GLIS3: variants seen among roughly 807,000 people sequenced by gnomAD.
GLIS3 encodes the protein GLIS family zinc finger 3, also known as zinc finger protein GLIS3.
In GLIS3, 53 loss-of-function variants were observed where a neutral mutation model predicts 78.6. The ratio of observed to expected loss-of-function variants is 0.67; its 90% CI spans 0.54 to 0.85. GLIS3 has a LOEUF of 0.85. Ranked by LOEUF, GLIS3 falls within the 40% of genes least tolerant of loss-of-function variation. The probability of loss-of-function intolerance (pLI) is 0.00; values close to 1 mark genes in which losing one functional copy is unlikely to be tolerated. For missense variants in GLIS3, 1,703 were observed against 1,231.1 expected, an observed-to-expected ratio of 1.38 and a Z score of -5.74; for synonymous variants, 684 against 509.9, an observed-to-expected ratio of 1.34 and a Z score of -4.60.
chr9:4,124,212 G>A (rs1036040193), intron 3 of GLIS3, among the ~76,000 whole-genome samples: 1 of 152,050 alleles, frequency 6.6e-6, no homozygotes, highest in African/African-American at 2.4e-5. Context: ...TTCCATAGAA[G>A]GACTCAAATA....
chr9:3,939,788 G>A (rs1826098924), intron 4 of GLIS3, among the ~76,000 whole-genome samples: 2 of 152,294 alleles, frequency 1.3e-5, no homozygotes, highest in Non-Finnish European at 2.9e-5. Flanking sequence ...GCAGTTTCAT[G>A]TAGTCAGGGG....
At chr9:4,403,141 T>A in the GLIS3 span, among the ~76,000 whole-genome samples, 1 of 152,146 alleles carries the variant, frequency 6.6e-6, no homozygotes, top group Non-Finnish European at 1.5e-5. Flanking sequence ...GTGGAAACCT[T>A]ATAGGCTAGG....
chr9:4,459,148 A>C, the GLIS3 span, among the ~76,000 whole-genome samples: 7 of 152,208 alleles, frequency 4.6e-5, no homozygotes, highest in Non-Finnish European at 8.8e-5. Context: ...ACTATTTAGG[A>C]GACCATTGAA....
At chr9:4,424,811 C>G in the GLIS3 span, among the ~76,000 whole-genome samples, 1 of 150,988 alleles carries the variant, frequency 6.6e-6, no homozygotes, top group South Asian at 2.1e-4. Context: ...CTCAAGTGAT[C>G]TTCCTTTCAA....
intron 4 of GLIS3, among the ~76,000 whole-genome samples, chr9:3,956,002 C>A (rs1817076058): frequency 7.3e-6 from 1 of 137,700 alleles, no homozygotes; most frequent in African/African-American, 2.8e-5. Flanking sequence ...GTATTTCCTA[C>A]CACAATTGAC....
chr9:4,338,541 G>T (rs113394102), intron 2 of GLIS3, among the ~76,000 whole-genome samples: 6 of 152,136 alleles, frequency 3.9e-5, no homozygotes, highest in African/African-American at 1.4e-4. Context: ...GACTGTATAG[G>T]GCCCCAAACT....
At chr9:4,324,807 G>C (rs925962807) in intron 2 of GLIS3, among the ~76,000 whole-genome samples, 2 of 152,100 alleles carry the variant, frequency 1.3e-5, no homozygotes, top group Non-Finnish European at 2.9e-5. Context: ...TGAGTGACTT[G>C]TTTCAAGTTT....
intron 4 of GLIS3, among the ~76,000 whole-genome samples, chr9:4,064,025 A>G (rs1324736342): frequency 6.6e-6 from 1 of 152,214 alleles, no homozygotes; most frequent in Non-Finnish European, 1.5e-5. Flanking sequence ...TTCAACTCTG[A>G]AATGTAGAAG....
intron 3 of GLIS3, among the ~76,000 whole-genome samples, chr9:4,122,356 TA>T (rs1832255842): frequency 6.6e-6 from 1 of 152,174 alleles, no homozygotes; most frequent in South Asian, 2.1e-4. Flanking sequence ...GCAAATCCCC[TA>T]AAAGAATTAG....
the GLIS3 span, among the ~76,000 whole-genome samples, chr9:4,439,148 C>A: frequency 6.6e-6 from 1 of 152,204 alleles, no homozygotes; most frequent in African/African-American, 2.4e-5. Flanking sequence ...TTCTTCAGTA[C>A]TACCTTCCAA....
At chr9:3,953,548 TAATA>T (rs1261628991) in intron 4 of GLIS3, among the ~76,000 whole-genome samples, 1 of 152,194 alleles carries the variant, frequency 6.6e-6, no homozygotes, top group African/African-American at 2.4e-5. Context: ...AATGACACAG[TAATA>T]TAGATGTTTT....
intron 8 of GLIS3, among the ~76,000 whole-genome samples, chr9:3,865,283 A>G (rs16919809): frequency 0.21 from 31,447 of 152,192 alleles, 3,541 homozygotes; most frequent in East Asian, 0.49. Context: ...CTTCACGTGC[A>G]GAAAGATAAT....
chr9:3,913,651 G>A (rs1824296898), intron 6 of GLIS3, among the ~76,000 whole-genome samples: 1 of 152,166 alleles, frequency 6.6e-6, no homozygotes, highest in Non-Finnish European at 1.5e-5. Flanking sequence ...CTTGTCCCTT[G>A]AAGTTTTCCC....
At chr9:4,189,069 GTTCTT>G (rs1818078717) in intron 2 of GLIS3, among the ~76,000 whole-genome samples, 1 of 151,586 alleles carries the variant, frequency 6.6e-6, no homozygotes, top group Admixed American at 6.6e-5. Context: ...TGCTTTTCTA[GTTCTT>G]TTAATTGTGA....
rs187299950 is a variant in GLIS3, at chr9:4,341,182, C to G, written n.264+5899G>C. On this transcript the variant is annotated intron_variant and non_coding_transcript_variant, in intron 2 of 4. Coordinates refer to the GLIS3 transcript ENST00000471664. ...ATCTGATCCACAGGCTTGTGCAATA[C>G]TCTCTAGGACAAAACAAGACTGCTC... 6.7e-4 allele frequency among the ~76,000 whole-genome samples: 102 copies of G among 152,318 alleles called. 2 individuals are homozygous for G. Among genetic ancestry groups the G allele is most frequent in the Admixed American group, 4.4e-3 (67 of 15,300 alleles).
At chr9:4,142,181 A>G (rs560980008) in intron 2 of GLIS3, among the ~76,000 whole-genome samples, 286 of 152,254 alleles carry the variant, frequency 1.9e-3, no homozygotes, top group Non-Finnish European at 2.6e-3. Flanking sequence ...ATCTAAATTA[A>G]GAGTTGTGCT....
At chr9:4,305,177 C>G (rs1243500117) in intron 4 of GLIS3, 1 of 152,200 alleles carries the variant, frequency 6.6e-6, no homozygotes, top group African/African-American at 2.4e-5. Context: ...CAAACTTCTA[C>G]CTATTAACCA....
chr9:4,315,223 C>G (rs898436018), intron 2 of GLIS3, among the ~76,000 whole-genome samples: 2 of 152,136 alleles, frequency 1.3e-5, no homozygotes, highest in South Asian at 2.1e-4. Flanking sequence ...GTGGAAGAAA[C>G]AAATCTCGTC....
the GLIS3 span, among the ~76,000 whole-genome samples, chr9:4,465,085 A>G: frequency 6.6e-6 from 1 of 152,254 alleles, no homozygotes; most frequent in Admixed American, 6.5e-5. Flanking sequence ...AACCTACAGC[A>G]TTACCAGAAT....
Sources: gnomAD v4.1 joint callset for allele counts (sites outside exome capture counted in the v4.1 genomes callset) on GRCh38, gnomAD v4.1.1 for gene constraint, MANE v1.5 for transcripts, NCBI Gene and HGNC (gene_info 2026-07-23, HGNC 2026-07-21) for gene names.